Variants in ELL2 observed in about 807,000 individuals in gnomAD.
ELL2 encodes the protein RNA polymerase II elongation factor ELL2.
In ELL2, 21 loss-of-function variants were observed where a neutral mutation model predicts 72.8. The ratio of observed to expected loss-of-function variants is 0.29; its 90% confidence interval spans 0.20 to 0.42. The LOEUF is 0.42. Among genes scored for constraint, ELL2 ranks in the 10% least tolerant of loss-of-function variants. ELL2 has a pLI of 1.00. For synonymous variants in ELL2, 266 were observed against 283.2 expected, an observed-to-expected ratio of 0.94 and a Z score of 0.61; for missense variants, 568 against 772.8, an observed-to-expected ratio of 0.73 and a Z score of 3.14.
chr5:95,961,738 T>C lies in ELL2; in HGVS notation c.-17A>G, dbSNP rs1391534029. On this transcript the variant is annotated 5_prime_UTR_variant, in exon 1 of 12. Coordinates refer to ENST00000237853, the MANE Select transcript of ELL2 (RefSeq NM_012081.6). Reference sequence around the variant, plus strand: ...CGCCGCCATCTTAAACTCCCCGGGGTGCCGCCGCCGCCGCCGCTCCGGCTC... The same window carrying C: ...CGCCGCCATCTTAAACTCCCCGGGGCGCCGCCGCCGCCGCCGCTCCGGCTC... 8 of 1,580,404 alleles carry C rather than the reference T, an allele frequency of 5.1e-6. No homozygotes were observed. Among genetic ancestry groups the C allele is most frequent in the Middle Eastern group, 2.1e-4 (1 of 4,660 alleles).
chr5:95,903,511 G>T (rs1034515462), intron 5 of ELL2, among the ~76,000 whole-genome samples: 2 of 152,070 alleles, frequency 1.3e-5, no homozygotes, highest in Non-Finnish European at 2.9e-5. Context: ...TTACAGGGGT[G>T]AGCCACGGCG....
intron 2 of ELL2, among the ~76,000 whole-genome samples, chr5:95,926,060 G>A (rs1750270389): frequency 6.6e-6 from 1 of 151,918 alleles, no homozygotes; most frequent in Admixed American, 6.6e-5. Flanking sequence ...TTTAGGGACA[G>A]AATAGTCTAG....
chr5:95,892,294 A>T (rs796162711), intron 9 of ELL2, among the ~76,000 whole-genome samples: 2 of 152,144 alleles, frequency 1.3e-5, no homozygotes, highest in African/African-American at 2.4e-5. Context: ...TTACAGGTAC[A>T]TGCCACCATG....
intron 5 of ELL2, among the ~76,000 whole-genome samples, chr5:95,904,530 G>C (rs939182549): frequency 6.6e-6 from 1 of 152,176 alleles, no homozygotes; most frequent in South Asian, 2.1e-4. Flanking sequence ...CAACATCTTA[G>C]TTTATTTTAA....
At chr5:95,891,538 G>T (rs1354505197) in intron 9 of ELL2, among the ~76,000 whole-genome samples, 1 of 152,164 alleles carries the variant, frequency 6.6e-6, no homozygotes, top group African/African-American at 2.4e-5. Context: ...TAAGTAAAAA[G>T]AAAACAGTAT....
intron 2 of ELL2, among the ~76,000 whole-genome samples, chr5:95,941,449 G>A (rs770703300): frequency 1.3e-5 from 2 of 152,112 alleles, no homozygotes; most frequent in Non-Finnish European, 1.5e-5. Flanking sequence ...CAACTAGTAT[G>A]CTAGAGAAAA....
chr5:95,930,557 C>T (rs1436675241), intron 2 of ELL2, among the ~76,000 whole-genome samples: 1 of 152,216 alleles, frequency 6.6e-6, no homozygotes, highest in Non-Finnish European at 1.5e-5. Flanking sequence ...ATATTTAACT[C>T]TTAATTCTCT....
At chr5:95,904,666 T>C (rs1263375212) in intron 5 of ELL2, among the ~76,000 whole-genome samples, 1 of 152,272 alleles carries the variant, frequency 6.6e-6, no homozygotes, top group Non-Finnish European at 1.5e-5. Context: ...GGTAACTTGT[T>C]TCCCAACTAG....
intron 2 of ELL2, among the ~76,000 whole-genome samples, chr5:95,935,667 G>T (rs759759070): frequency 1.3e-5 from 2 of 152,194 alleles, no homozygotes; most frequent in Non-Finnish European, 2.9e-5. Flanking sequence ...GAGGATTGGA[G>T]TGTAACCTGA....
intron 10 of ELL2, 37 bp downstream of exon 10, chr5:95,891,066 T>G: frequency 6.2e-7 from 1 of 1,613,684 alleles, no homozygotes; most frequent in Non-Finnish European, 8.5e-7. Flanking sequence ...GAAGGTAAAA[T>G]ATGAAAGTCA....
At position 95,898,460 on chromosome 5, in the gene ELL2, C is replaced by T. The variant is rs746990147; in HGVS notation, c.1305G>A (p.Leu435=). Residue 435 remains leucine, a synonymous_variant, in exon 8 of 12, where the codon CTG becomes CTA. Transcript: ENST00000237853. ...GAACGGAACCAGGGGGTAAGGTTTC[C>T]AGAGAAGTCCTAGAGGTATATTTGT... ...QQDKYTSRTS[L]ETLPPGSVLL... 31 of 1,613,636 alleles carry T rather than the reference C, an allele frequency of 1.9e-5. No individual in the cohort carries two copies. The highest frequency in any genetic ancestry group is 1.0e-4 in the Admixed American group (6 of 59,980).
chr5:95,919,326 C>A, intron 3 of ELL2, 98 bp downstream of exon 3: 2 of 1,389,854 alleles, frequency 1.4e-6, no homozygotes, highest in Non-Finnish European at 9.7e-7. Context: ...ATTTAATACA[C>A]GTTTATGGAT....
At chr5:95,891,481 A>C (rs191525434) in intron 9 of ELL2, among the ~76,000 whole-genome samples, 1 of 152,260 alleles carries the variant, frequency 6.6e-6, no homozygotes, top group African/African-American at 2.4e-5. Flanking sequence ...TCAACGAAGG[A>C]GAGTAAATGT....
intron 4 of ELL2, among the ~76,000 whole-genome samples, chr5:95,908,047 T>C (rs1326134763): frequency 6.6e-6 from 1 of 152,236 alleles, no homozygotes; most frequent in Non-Finnish European, 1.5e-5. Flanking sequence ...GTTTCTTTAC[T>C]ATCTGTACAA....
At chr5:95,936,797 T>A (rs1323688541) in intron 2 of ELL2, among the ~76,000 whole-genome samples, 1 of 152,194 alleles carries the variant, frequency 6.6e-6, no homozygotes, top group African/African-American at 2.4e-5. Context: ...TTTTCCAAGC[T>A]TAAATAAGTG....
intron 1 of ELL2, among the ~76,000 whole-genome samples, chr5:95,945,481 T>C (rs1751123090): frequency 6.6e-6 from 1 of 152,334 alleles, no homozygotes; most frequent in South Asian, 2.1e-4. Flanking sequence ...GCTTTTCTTC[T>C]ACTACCTTAT....
chr5:95,885,773 T>C lies in ELL2; in HGVS notation c.*3098A>G, dbSNP rs1748440904. On this transcript the variant is annotated 3_prime_UTR_variant, in exon 12 of 12. Transcript: ENST00000237853. ...AAAAATTAATACTGAATTTTTATAA[T>C]CAATGCATGGAGCAATGATATAAAC... 1 of 152,228 alleles carries C rather than the reference T, an allele frequency of 6.6e-6. No individual in the cohort carries two copies. The highest frequency in any genetic ancestry group is 6.5e-5 in the Admixed American group (1 of 15,278). 9.4% of individuals were successfully genotyped at this position (152,228 alleles called of 1,614,324 possible). A position where few individuals can be genotyped will look rare whatever the true frequency, so the allele number is the denominator to read the frequency against.
intron 2 of ELL2, among the ~76,000 whole-genome samples, chr5:95,930,745 C>T (rs1750567065): frequency 1.3e-5 from 2 of 152,176 alleles, no homozygotes; most frequent in South Asian, 4.1e-4. Context: ...GGTAAGTCCT[C>T]CCTGGGGACC....
chr5:95,914,962 G>A (rs1390536647), intron 3 of ELL2, among the ~76,000 whole-genome samples: 1 of 152,172 alleles, frequency 6.6e-6, no homozygotes, highest in Non-Finnish European at 1.5e-5. Context: ...CATGGTCACA[G>A]TCATAACTGG....
Sources: allele counts gnomAD v4.1 joint callset (sites outside exome capture counted in the v4.1 genomes callset), GRCh38; gene constraint gnomAD v4.1.1; transcripts MANE v1.5; gene names NCBI Gene and HGNC (gene_info 2026-07-23, HGNC 2026-07-21).